NUP98: variants seen among roughly 807,000 people sequenced by gnomAD.
NUP98 encodes the protein nucleoporin 98 and 96 precursor.
NUP98 carries 26 observed loss-of-function variants against 191.9 expected under a neutral mutation model. The observed-to-expected ratio is 0.14, with a 90% CI of 0.10 to 0.19. The LOEUF is 0.19. NUP98 is among the 10% of genes least tolerant of loss of function. The pLI is 1.00. For missense variants in NUP98, 1,941 were observed against 2,178.8 expected, an observed-to-expected ratio of 0.89 and a Z score of 2.17; for synonymous variants, 808 against 778.4, an observed-to-expected ratio of 1.04 and a Z score of -0.63.
At chr11:3,702,323 T>A (rs1261430927) in intron 23 of NUP98, 140 bp downstream of exon 23, 3,320 of 119,748 alleles carry the variant, frequency 0.028, 68 homozygotes, top group African/African-American at 0.23. Context: ...ACTCTCTCTC[T>A]CTCTCTCTCT....
chr11:3,729,914 T>C (rs2079778117), intron 14 of NUP98, among the ~76,000 whole-genome samples: 1 of 151,830 alleles, frequency 6.6e-6, no homozygotes, highest in South Asian at 2.1e-4. Flanking sequence ...ACTGTAAACC[T>C]TTTTACCTAC....
At chr11:3,727,453 CT>C (rs1302770270) in intron 14 of NUP98, among the ~76,000 whole-genome samples, 1 of 152,180 alleles carries the variant, frequency 6.6e-6, no homozygotes, top group Non-Finnish European at 1.5e-5. Flanking sequence ...GTGGAAAGGA[CT>C]TATGAGCCAA....
At chr11:3,793,393 G>A (rs1217650372) in intron 1 of NUP98, among the ~76,000 whole-genome samples, 2 of 151,852 alleles carry the variant, frequency 1.3e-5, no homozygotes, top group East Asian at 2.0e-4. Context: ...GGGTTCAAGC[G>A]ATTCTCTGCC....
At chr11:3,694,604 G>A (rs560217888) in intron 26 of NUP98, among the ~76,000 whole-genome samples, 1 of 152,212 alleles carries the variant, frequency 6.6e-6, no homozygotes, top group Non-Finnish European at 1.5e-5. Context: ...GCCCAGCGTG[G>A]TGGCAGGTGC....
chr11:3,720,289 CTAT>C (rs1009111172), intron 17 of NUP98, among the ~76,000 whole-genome samples: 27 of 152,076 alleles, frequency 1.8e-4, no homozygotes, highest in African/African-American at 4.3e-4. Flanking sequence ...CATCTCTTGC[CTAT>C]TATTCAATTT....
At chr11:3,730,672 G>GT (rs1159050361) in intron 14 of NUP98, among the ~76,000 whole-genome samples, 1 of 152,002 alleles carries the variant, frequency 6.6e-6, no homozygotes, top group East Asian at 1.9e-4. Flanking sequence ...CCGGATTACT[G>GT]TATTTTTAGG....
chr11:3,770,375 G>T (rs2081486979), intron 7 of NUP98, among the ~76,000 whole-genome samples: 1 of 151,868 alleles, frequency 6.6e-6, no homozygotes, highest in Non-Finnish European at 1.5e-5. Flanking sequence ...CCTGTAGGGT[G>T]GCTGAGGTAG....
intron 16 of NUP98, among the ~76,000 whole-genome samples, chr11:3,722,656 A>C (rs189491305): frequency 6.6e-6 from 1 of 152,140 alleles, no homozygotes; most frequent in Non-Finnish European, 1.5e-5. Context: ...GCAAAACAAA[A>C]GATGCAAAAC....
In NUP98 at chr11:3,678,407, A is replaced by C. The variant is rs2077884872; in HGVS notation, c.5073+1147T>G. ...TACACTCTATTGCCTGTAACCGTAA[A>C]AGACCTTCCCAAAAGGGGCTTATAG... On this transcript the variant is annotated intron_variant, in intron 31 of 32. Transcript: ENST00000324932. 2.0e-5 allele frequency among the ~76,000 whole-genome samples: 3 copies of C among 152,300 alleles called. No individual in the cohort carries two copies. In the South Asian group the frequency reaches 6.2e-4, roughly 32 times the overall value.
At chr11:3,712,781 A>C in intron 19 of NUP98, 53 bp from the exon 20 acceptor site, 1 of 1,562,594 alleles carries the variant, frequency 6.4e-7, no homozygotes, top group Non-Finnish European at 8.7e-7. Flanking sequence ...CTTTCCCAAT[A>C]CCTGCCTTTG....
intron 22 of NUP98, 88 bp downstream of exon 22, chr11:3,705,112 A>G: frequency 8.1e-7 from 1 of 1,230,124 alleles, no homozygotes; most frequent in Non-Finnish European, 1.2e-6. Context: ...TTGCTAGAGA[A>G]GTCCACTTGG....
intron 8 of NUP98, among the ~76,000 whole-genome samples, chr11:3,764,929 AT>A (rs1242981988): frequency 1.3e-5 from 2 of 152,068 alleles, no homozygotes; most frequent in Non-Finnish European, 2.9e-5. Flanking sequence ...TGGTTATCTC[AT>A]TTTGGTTTTC....
At position 3,735,236 on chromosome 11, in the gene NUP98, A is replaced by T; in HGVS notation, c.1497T>A (p.Ser499=). 1 of 1,602,788 alleles carries T rather than the reference A, an allele frequency of 6.2e-7. No homozygotes were observed. Among genetic ancestry groups the T allele is most frequent in the South Asian group, 1.1e-5 (1 of 89,346 alleles). Residue 499 remains serine (S), a synonymous_variant, in exon 13 of 33, where the codon TCT becomes TCA. Coordinates refer to ENST00000324932, the MANE Select transcript of NUP98 (RefSeq NM_016320.5). Reference sequence around the variant, plus strand: ...CTGACATCGGATTCCGGAAGAGAGGAGAGTCTCCAAAAGGTGAGTATGTTA... The same window carrying T: ...CTGACATCGGATTCCGGAAGAGAGGTGAGTCTCCAAAAGGTGAGTATGTTA... ...NSLTYSPFGD[S]PLFRNPMSDP...
chr11:3,791,138 G>GC (rs1336201360), intron 1 of NUP98, among the ~76,000 whole-genome samples: 5 of 151,864 alleles, frequency 3.3e-5, no homozygotes, highest in South Asian at 4.2e-4. Flanking sequence ...CTTGTGATCC[G>GC]CCCCCCTCAG....
chr11:3,685,890 A>C, intron 29 of NUP98, 83 bp downstream of exon 29: 1 of 1,091,726 alleles, frequency 9.2e-7, no homozygotes, highest in Non-Finnish European at 1.4e-6. Flanking sequence ...TTACTTGCTA[A>C]ACTGAACCCT....
intron 27 of NUP98, among the ~76,000 whole-genome samples, chr11:3,692,260 T>TA (rs892786500): frequency 8.0e-5 from 12 of 149,914 alleles, no homozygotes; most frequent in African/African-American, 3.0e-4. Flanking sequence ...TGCAGTGAGC[T>TA]ATAATTGCCC....
At chr11:3,760,668 G>T (rs367697241) in intron 9 of NUP98, 42 bp from the exon 10 acceptor site, 48 of 1,550,872 alleles carry the variant, frequency 3.1e-5, no homozygotes, top group Non-Finnish European at 3.9e-5. Context: ...ATAATATTAA[G>T]ACACACACCA....
intron 12 of NUP98, among the ~76,000 whole-genome samples, chr11:3,742,889 T>C (rs928527000): frequency 5.9e-5 from 9 of 152,214 alleles, no homozygotes; most frequent in Non-Finnish European, 1.5e-5. Context: ...TGTATCATGA[T>C]AGTATGGGAG....
chr11:3,703,408 G>A (rs1051178717), intron 22 of NUP98, among the ~76,000 whole-genome samples: 3 of 152,040 alleles, frequency 2.0e-5, no homozygotes, highest in Non-Finnish European at 4.4e-5. Flanking sequence ...AGTAGAGACA[G>A]AGTTTCACCA....
Sources: allele counts gnomAD v4.1 joint callset (sites outside exome capture counted in the v4.1 genomes callset), GRCh38; gene constraint gnomAD v4.1.1; transcripts MANE v1.5; gene names NCBI Gene and HGNC (gene_info 2026-07-23, HGNC 2026-07-21).